PRKAG2: variants seen among roughly 807,000 people sequenced by gnomAD.
PRKAG2 encodes 5'-AMP-activated protein kinase subunit gamma-2.
PRKAG2 carries 26 observed loss-of-function variants against 69.6 expected under a neutral mutation model. The ratio of observed to expected loss-of-function variants is 0.37; its 90% CI spans 0.27 to 0.52. PRKAG2 has a LOEUF of 0.52. PRKAG2 is among the 20% of genes least tolerant of loss of function. The pLI is 0.90. For missense variants in PRKAG2, 557 were observed against 740.0 expected (o/e 0.75, Z 2.87); for synonymous variants, 293 against 285.0 (o/e 1.03, Z -0.28).
intron 3 of PRKAG2, among the ~76,000 whole-genome samples, chr7:151,729,689 G>T (rs756406403): frequency 6.6e-6 from 1 of 152,076 alleles, no homozygotes; most frequent in Non-Finnish European, 1.5e-5. Flanking sequence ...GCCAGAGACC[G>T]GCTCCTGTGG....
intron 3 of PRKAG2, among the ~76,000 whole-genome samples, chr7:151,774,763 C>T (rs1364652049): frequency 2.6e-5 from 4 of 152,052 alleles, no homozygotes; most frequent in African/African-American, 7.2e-5. Flanking sequence ...GCCGAGATCT[C>T]GCCATTGCAC....
intron 6 of PRKAG2, among the ~76,000 whole-genome samples, chr7:151,593,345 A>G (rs1813698155): frequency 6.6e-6 from 1 of 151,996 alleles, no homozygotes; most frequent in South Asian, 2.1e-4. Context: ...CTTCTACCAC[A>G]CTCGGCTAAT....
At chr7:151,852,388 G>A (rs540486390) in intron 1 of PRKAG2, among the ~76,000 whole-genome samples, 2 of 152,248 alleles carry the variant, frequency 1.3e-5, no homozygotes, top group South Asian at 2.1e-4. Flanking sequence ...CCAGATACTC[G>A]GGAGGCTGAG....
chr7:151,734,635 G>A (rs1041269861), intron 3 of PRKAG2, among the ~76,000 whole-genome samples: 2 of 151,952 alleles, frequency 1.3e-5, no homozygotes, highest in Admixed American at 6.6e-5. Context: ...CTGTAGCCTC[G>A]ACCTCCTGGG....
intron 1 of PRKAG2, 116 bp from the exon 2 acceptor site, chr7:151,786,657 C>A: frequency 1.2e-6 from 1 of 844,386 alleles, no homozygotes. Flanking sequence ...TCAAATCCAC[C>A]ATGAAGAAGG....
intron 4 of PRKAG2, among the ~76,000 whole-genome samples, chr7:151,665,584 G>A (rs774235335): frequency 9.2e-5 from 14 of 152,154 alleles, no homozygotes; most frequent in South Asian, 6.2e-4. Flanking sequence ...GCCAGCTCTC[G>A]TGATAACCAA....
chr7:151,809,419 C>T (rs59825934), intron 1 of PRKAG2: 113 of 359,224 alleles, frequency 3.1e-4, no homozygotes, highest in African/African-American at 2.2e-3. Context: ...GAGGGGACTC[C>T]GGCAGGCGCT....
At chr7:151,646,853 G>A (rs1827652587) in intron 4 of PRKAG2, among the ~76,000 whole-genome samples, 1 of 152,188 alleles carries the variant, frequency 6.6e-6, no homozygotes, top group African/African-American at 2.4e-5. Flanking sequence ...CACAACCTCA[G>A]TAGTGGTATC....
intron 3 of PRKAG2, among the ~76,000 whole-genome samples, chr7:151,721,185 G>A (rs921025475): frequency 5.9e-5 from 9 of 151,850 alleles, no homozygotes; most frequent in South Asian, 2.1e-4. Flanking sequence ...CCCTGCAGCC[G>A]CCCAGCACTC....
chr7:151,717,233 C>T (rs1381816010), intron 3 of PRKAG2, among the ~76,000 whole-genome samples: 1 of 147,754 alleles, frequency 6.8e-6, no homozygotes. Flanking sequence ...GGCAACAGAC[C>T]GAGACCCCAT....
At position 151,675,582 on chromosome 7, in the gene PRKAG2, C is replaced by T. The variant is rs558951955; in HGVS notation, c.522G>A (p.Thr174=). ...STPTQVTKQH[T]FPLESYKHEP... ...CGTGCTTATAGGATTCCAGGGGAAACGTGTGCTGCTTGGTCACTTGGGTGG... is the reference window on the plus strand; with the variant it reads ...CGTGCTTATAGGATTCCAGGGGAAATGTGTGCTGCTTGGTCACTTGGGTGG... Residue 174 remains threonine, a synonymous_variant, in exon 4 of 16, where the codon ACG becomes ACA. Coordinates refer to ENST00000287878, the MANE Select transcript of PRKAG2 (RefSeq NM_016203.4). 1.4e-5 allele frequency: 23 copies of T among 1,614,150 alleles called. No homozygotes were observed. In the African/African-American group the frequency reaches 1.5e-4, roughly 10 times the overall value.
At chr7:151,714,441 GCGACCCGCCGTCCTCCCA>G (rs1563503387) in intron 3 of PRKAG2, among the ~76,000 whole-genome samples, 64 of 72,884 alleles carry the variant, frequency 8.8e-4, no homozygotes, top group African/African-American at 3.4e-3. Flanking sequence ...CCTCCCATCC[GCGACCCGCCGTCCTCCCA>G]TCCACATGCC....
At chr7:151,590,820 C>G (rs749972967) in intron 6 of PRKAG2, among the ~76,000 whole-genome samples, 2 of 152,218 alleles carry the variant, frequency 1.3e-5, no homozygotes, top group African/African-American at 2.4e-5. Flanking sequence ...AAATTTAACA[C>G]TAGTTTGGTG....
chr7:151,786,501 A>G lies in PRKAG2; in HGVS notation c.155T>C (p.Leu52Pro). ...SFAMPLLDGD[L>P]EGSGKHSSRK... ...AGAGGAATGCTTTCCGGAACCCTCCAGGTCTCCGTCCAGGAGCGGCATGGC... is the reference window on the plus strand; with the variant it reads ...AGAGGAATGCTTTCCGGAACCCTCCGGGTCTCCGTCCAGGAGCGGCATGGC... Residue 52 changes from leucine (L) to proline (P), a missense_variant, in exon 2 of 16, where the codon CTG becomes CCG. Leu to Pro is a moderately conservative substitution (Grantham distance 98). Around this residue, in one of 2 missense-constraint regions of PRKAG2, gnomAD observed 352 missense variants for 356.7 expected, o/e 0.99. Transcript: ENST00000287878. 6.2e-7 allele frequency: 1 copy of G among 1,612,990 alleles called. No homozygotes were observed. Among genetic ancestry groups the G allele is most frequent in the Non-Finnish European group, 8.5e-7 (1 of 1,179,666 alleles).
intron 3 of PRKAG2, among the ~76,000 whole-genome samples, chr7:151,700,909 C>T (rs758796590): frequency 1.3e-5 from 2 of 152,226 alleles, no homozygotes; most frequent in Non-Finnish European, 2.9e-5. Flanking sequence ...CCAGCCTGCC[C>T]GGGAAATCCG....
chr7:151,560,195 T>A, intron 15 of PRKAG2: 2 of 1,197,462 alleles, frequency 1.7e-6, no homozygotes, highest in South Asian at 3.7e-5. Flanking sequence ...ATGTTTCTGG[T>A]CACTAGTTCT....
chr7:151,714,513 G>A (rs1341656374), intron 3 of PRKAG2, among the ~76,000 whole-genome samples: 1 of 152,070 alleles, frequency 6.6e-6, no homozygotes, highest in Non-Finnish European at 1.5e-5. Flanking sequence ...TCCACACCCT[G>A]CCACCTCTCC....
intron 1 of PRKAG2, 104 bp downstream of exon 1, chr7:151,876,403 G>A (rs1411354263): frequency 1.8e-6 from 2 of 1,125,916 alleles, no homozygotes; most frequent in African/African-American, 3.0e-5. Context: ...GTGACAGGAG[G>A]GGCACGCACG....
At chr7:151,675,387 G>A (rs766954096) in intron 4 of PRKAG2, 33 bp downstream of exon 4, 24 of 1,594,954 alleles carry the variant, frequency 1.5e-5, no homozygotes, top group East Asian at 1.3e-4. Context: ...TCTGCCACCC[G>A]GCAGCCCCAC....
Sources: gnomAD v4.1 joint callset for allele counts (sites outside exome capture counted in the v4.1 genomes callset) on GRCh38, gnomAD v4.1.1 for gene constraint, gnomAD v4.1.1 regional missense constraint, MANE v1.5 for transcripts, NCBI Gene and HGNC (gene_info 2026-07-23, HGNC 2026-07-21) for gene names.